Variants in STK32A observed in about 807,000 individuals in gnomAD.
The protein encoded by STK32A is serine/threonine kinase 32A, also known as serine/threonine-protein kinase 32A.
Under a neutral mutation model 53.2 loss-of-function variants are expected in STK32A, and 41 were observed. That is an observed-to-expected ratio of 0.77 (90% confidence interval 0.60 to 1.00). The LOEUF (loss-of-function observed/expected upper bound fraction) is 1.00. STK32A is among the 50% of genes least tolerant of loss of function. The pLI, the probability that STK32A is intolerant of heterozygous loss-of-function variation, is 0.00. For missense variants in STK32A, 458 were observed against 485.8 expected, an observed-to-expected ratio of 0.94 and a Z score of 0.54; for synonymous variants, 166 against 162.8, an observed-to-expected ratio of 1.02 and a Z score of -0.15.
chr5:147,344,334 T>C (rs1166863891), intron 6 of STK32A, among the ~76,000 whole-genome samples: 1 of 152,220 alleles, frequency 6.6e-6, no homozygotes, highest in Non-Finnish European at 1.5e-5. Flanking sequence ...ATTTATGGAC[T>C]GTCCAAAAAG....
the STK32A span, chr5:147,399,296 T>C: frequency 2.5e-6 from 4 of 1,585,220 alleles, no homozygotes; most frequent in African/African-American, 5.4e-5. Flanking sequence ...TAGCTACATA[T>C]ATATCAATTC....
chr5:147,333,289 G>A (rs549158342), intron 5 of STK32A, among the ~76,000 whole-genome samples: 214 of 152,216 alleles, frequency 1.4e-3, no homozygotes, highest in African/African-American at 4.8e-3. Flanking sequence ...TTATCAGGGC[G>A]TAACCCATTG....
At chr5:147,400,622 G>A in the STK32A span, 2 of 1,563,296 alleles carry the variant, frequency 1.3e-6, no homozygotes, top group Non-Finnish European at 8.7e-7. Context: ...CCCAACTGGT[G>A]GCAGGAGGTT....
intron 6 of STK32A, 84 bp downstream of exon 6, chr5:147,343,127 G>A: frequency 9.1e-6 from 13 of 1,433,370 alleles, no homozygotes; most frequent in Non-Finnish European, 1.3e-5. Flanking sequence ...TATTACACAT[G>A]AAAAAGGTAT....
chr5:147,336,943 T>C (rs1755161541), intron 5 of STK32A, among the ~76,000 whole-genome samples: 3 of 151,814 alleles, frequency 2.0e-5, no homozygotes, highest in East Asian at 1.9e-4. Context: ...ACTGAAGGAG[T>C]TGATTTTGGT....
the STK32A span, among the ~76,000 whole-genome samples, chr5:147,400,131 C>A: frequency 1.6e-4 from 25 of 152,164 alleles, no homozygotes; most frequent in African/African-American, 2.2e-4. Flanking sequence ...TTACTAAAAT[C>A]TTTGAAAGAG....
At chr5:147,388,925 C>T (rs563130390), downstream of STK32A, among the ~76,000 whole-genome samples, 12 of 152,316 alleles carry the variant, frequency 7.9e-5, no homozygotes, top group East Asian at 7.7e-4. Flanking sequence ...GCTGCTGCCT[C>T]GGTCATGAGC....
In STK32A at chr5:147,361,531, A is replaced by G; in HGVS notation, c.577A>G (p.Ser193Gly). Residue 193 changes from serine (S) to glycine (G), a missense_variant, in exon 8 of 13, where the codon AGC becomes GGC. Transcript: ENST00000397936. ...GTGTTTTTCAGCACCTGAGATGTTCAGCTCCAGAAAAGGAGCAGGCTATTC... is the reference window on the plus strand; with the variant it reads ...GTGTTTTTCAGCACCTGAGATGTTCGGCTCCAGAAAAGGAGCAGGCTATTC... The part of the protein sequence containing the change: ...TKPYMAPEMF[S>G]SRKGAGYSFA... 1 of 1,612,612 alleles carries G rather than the reference A, an allele frequency of 6.2e-7. No homozygotes were observed. Among genetic ancestry groups the G allele is most frequent in the African/African-American group, 1.3e-5 (1 of 75,038 alleles).
At chr5:147,282,779 C>G (rs1339065661) in intron 4 of STK32A, among the ~76,000 whole-genome samples, 3 of 152,110 alleles carry the variant, frequency 2.0e-5, no homozygotes, top group Non-Finnish European at 4.4e-5. Context: ...AACACTGGAG[C>G]TCCCAAATTT....
At chr5:147,256,934 T>A (rs1754263070) in intron 2 of STK32A, among the ~76,000 whole-genome samples, 1 of 152,052 alleles carries the variant, frequency 6.6e-6, no homozygotes, top group Non-Finnish European at 1.5e-5. Context: ...GCGGTGGGGA[T>A]CAAAGAAATG....
intron 5 of STK32A, among the ~76,000 whole-genome samples, chr5:147,341,616 G>A (rs1261254906): frequency 1.3e-5 from 2 of 152,004 alleles, no homozygotes; most frequent in East Asian, 3.9e-4. Context: ...TGAGTGGCTG[G>A]GACTATAAGT....
intron 4 of STK32A, among the ~76,000 whole-genome samples, chr5:147,315,551 A>T (rs377703007): frequency 6.6e-6 from 1 of 152,168 alleles, no homozygotes; most frequent in African/African-American, 2.4e-5. Flanking sequence ...AAAATAAAAT[A>T]GAGGTTACCA....
chr5:147,285,752 C>T (rs1231715486), intron 4 of STK32A, among the ~76,000 whole-genome samples: 1 of 136,482 alleles, frequency 7.3e-6, no homozygotes, highest in Non-Finnish European at 1.6e-5. Flanking sequence ...CCACCTTACT[C>T]CTGCAAGAAT....
intron 2 of STK32A, among the ~76,000 whole-genome samples, chr5:147,241,581 C>T (rs543115221): frequency 6.6e-6 from 1 of 152,186 alleles, no homozygotes; most frequent in Non-Finnish European, 1.5e-5. Flanking sequence ...CCCATTCTTA[C>T]TATTTCTACA....
At chr5:147,248,119 C>A (rs1753832559) in intron 2 of STK32A, among the ~76,000 whole-genome samples, 2 of 102,974 alleles carry the variant, frequency 1.9e-5, no homozygotes, top group Non-Finnish European at 1.8e-5. Flanking sequence ...AAAACTCCGT[C>A]TCAAAAAAAA....
chr5:147,365,719 G>C (rs1290693035), intron 8 of STK32A, among the ~76,000 whole-genome samples: 3 of 152,042 alleles, frequency 2.0e-5, no homozygotes, highest in Non-Finnish European at 4.4e-5. Context: ...CAGAGCAATT[G>C]TGCTCTGCCC....
intron 11 of STK32A, among the ~76,000 whole-genome samples, chr5:147,376,597 C>A (rs1202105899): frequency 6.6e-6 from 1 of 152,098 alleles, no homozygotes; most frequent in Non-Finnish European, 1.5e-5. Context: ...CCCATCTTTC[C>A]TGCCACATCC....
intron 10 of STK32A, among the ~76,000 whole-genome samples, chr5:147,374,286 C>CAAAAA (rs113267930): frequency 6.7e-5 from 9 of 133,974 alleles, no homozygotes; most frequent in African/African-American, 2.1e-4. Flanking sequence ...GACCCTGTCT[C>CAAAAA]AAAAAAAAAA....
intron 1 of STK32A, among the ~76,000 whole-genome samples, chr5:147,236,615 TGAA>T (rs1165328014): frequency 6.6e-6 from 1 of 152,098 alleles, no homozygotes; most frequent in Non-Finnish European, 1.5e-5. Context: ...TTAGGTGCAA[TGAA>T]GAAGATACTA....
Sources: gnomAD v4.1 joint callset for allele counts (sites outside exome capture counted in the v4.1 genomes callset) on GRCh38, gnomAD v4.1.1 for gene constraint, MANE v1.5 for transcripts, NCBI Gene and HGNC (gene_info 2026-07-23, HGNC 2026-07-21) for gene names.